Variants in TESC observed in about 807,000 individuals in gnomAD.
The protein encoded by TESC is tescalcin.
A neutral mutation model predicts 31.0 loss-of-function variants in TESC; 19 were observed. The observed-to-expected ratio is 0.61, with a 90% CI of 0.43 to 0.90. The LOEUF (loss-of-function observed/expected upper bound fraction) is 0.90. TESC is among the 40% of genes least tolerant of loss of function. The probability of loss-of-function intolerance (pLI) is 0.00; values close to 1 mark genes in which losing one functional copy is unlikely to be tolerated. For missense variants in TESC, 248 were observed against 303.8 expected (o/e 0.82, Z 1.36); for synonymous variants, 109 against 114.8 (o/e 0.95, Z 0.32).
intron 2 of TESC, among the ~76,000 whole-genome samples, chr12:117,073,420 G>A (rs934915843): frequency 6.6e-6 from 1 of 152,100 alleles, no homozygotes; most frequent in Admixed American, 6.6e-5. Flanking sequence ...GTCGGCCTTG[G>A]ATGCAATCAA....
intron 2 of TESC, among the ~76,000 whole-genome samples, chr12:117,062,347 G>A (rs991763915): frequency 6.6e-6 from 1 of 151,926 alleles, no homozygotes; most frequent in Admixed American, 6.6e-5. Context: ...TCAGCCACCC[G>A]AGTAGCTGGG....
intron 2 of TESC, among the ~76,000 whole-genome samples, chr12:117,065,236 G>A (rs1245807108): frequency 6.6e-5 from 10 of 152,332 alleles, no homozygotes; most frequent in Admixed American, 4.6e-4. Context: ...AACCAGGGAG[G>A]AGGCTGTTGG....
intron 4 of TESC, chr12:117,048,576 T>G: frequency 2.5e-6 from 1 of 402,156 alleles, no homozygotes; most frequent in South Asian, 1.8e-5. Flanking sequence ...GCACAGCCCA[T>G]GGAGGAGGGA....
chr12:117,061,297 T>C (rs1419289544), intron 2 of TESC, among the ~76,000 whole-genome samples: 2 of 152,070 alleles, frequency 1.3e-5, no homozygotes, highest in East Asian at 3.9e-4. Flanking sequence ...GAGCGAATAA[T>C]GAAGCGAATA....
intron 6 of TESC, 131 bp from the exon 7 acceptor site, chr12:117,042,125 T>G (rs1268192259): frequency 1.2e-5 from 11 of 908,102 alleles, no homozygotes; most frequent in Non-Finnish European, 1.8e-5. Context: ...TTGGGAGGAA[T>G]CACAAGAAGA....
chr12:117,039,013 G>C lies in TESC; in HGVS notation c.*120C>G, dbSNP rs980776817. 6.6e-6 allele frequency: 7 copies of C among 1,065,338 alleles called. No individual in the cohort carries two copies. Among genetic ancestry groups the C allele is most frequent in the African/African-American group, 3.1e-5 (2 of 63,536 alleles). The allele number at this position is 1,065,338 out of a possible 1,614,324, so 66.0% of individuals were successfully genotyped here. On this transcript the variant is annotated 3_prime_UTR_variant, in exon 8 of 8. Coordinates refer to ENST00000335209, the MANE Select transcript of TESC (RefSeq NM_017899.4). ...CCTACAAGACACAAGGTGCGCAGACGAGCCTTGGCTATGTACCGGCGCTGC... is the reference window on the plus strand; with the variant it reads ...CCTACAAGACACAAGGTGCGCAGACCAGCCTTGGCTATGTACCGGCGCTGC...
intron 2 of TESC, among the ~76,000 whole-genome samples, chr12:117,063,700 C>T (rs1954830346): frequency 6.6e-6 from 1 of 152,180 alleles, no homozygotes; most frequent in Non-Finnish European, 1.5e-5. Flanking sequence ...GCCCAATGTC[C>T]CTCTGAGTTC....
At chr12:117,068,154 A>G (rs1954913232) in intron 2 of TESC, among the ~76,000 whole-genome samples, 2 of 151,524 alleles carry the variant, frequency 1.3e-5, no homozygotes, top group South Asian at 2.1e-4. Flanking sequence ...TCGGCCTCCC[A>G]AAGTGCTCAG....
At chr12:117,091,879 T>C (rs1269164803) in intron 1 of TESC, among the ~76,000 whole-genome samples, 2 of 152,054 alleles carry the variant, frequency 1.3e-5, no homozygotes, top group African/African-American at 2.4e-5. Context: ...CAGCATGGCC[T>C]CCCCCAGATC....
intron 1 of TESC, among the ~76,000 whole-genome samples, chr12:117,088,179 T>A (rs1016719092): frequency 6.6e-6 from 1 of 152,160 alleles, no homozygotes; most frequent in African/African-American, 2.4e-5. Context: ...ATATCATTTA[T>A]GTAATTAGAG....
At chr12:117,068,436 G>A (rs1052293466) in intron 2 of TESC, among the ~76,000 whole-genome samples, 8 of 152,198 alleles carry the variant, frequency 5.3e-5, no homozygotes, top group Admixed American at 5.2e-4. Flanking sequence ...GGCTGAGGAA[G>A]GACAATTGCT....
At chr12:117,077,676 A>G (rs1320004405) in intron 1 of TESC, among the ~76,000 whole-genome samples, 2 of 152,252 alleles carry the variant, frequency 1.3e-5, no homozygotes, top group Non-Finnish European at 2.9e-5. Context: ...CATAAAGTTC[A>G]AAAACAGGCA....
intron 2 of TESC, among the ~76,000 whole-genome samples, chr12:117,064,777 C>T (rs1261970364): frequency 6.6e-6 from 1 of 152,076 alleles, no homozygotes; most frequent in Non-Finnish European, 1.5e-5. Flanking sequence ...TGAGCAGAGA[C>T]CTGAAGGAGG....
chr12:117,055,687 A>G (rs1954712811), intron 3 of TESC, among the ~76,000 whole-genome samples: 1 of 152,212 alleles, frequency 6.6e-6, no homozygotes, highest in Admixed American at 6.5e-5. Context: ...GCAAGCCGCC[A>G]TGCTGTGGGC....
intron 1 of TESC, among the ~76,000 whole-genome samples, chr12:117,098,998 G>A (rs1030758559): frequency 3.4e-4 from 52 of 152,274 alleles, no homozygotes; most frequent in African/African-American, 1.2e-3. Context: ...GAGTTCCCGG[G>A]CCAGTCCGAA....
intron 2 of TESC, among the ~76,000 whole-genome samples, chr12:117,065,761 T>C (rs1954869938): frequency 6.6e-6 from 1 of 152,062 alleles, no homozygotes; most frequent in Non-Finnish European, 1.5e-5. Flanking sequence ...TGGTGGTACA[T>C]GCCTGTAAGT....
chr12:117,057,016 A>G (rs1340074409), intron 2 of TESC, 130 bp from the exon 3 acceptor site: 15 of 840,556 alleles, frequency 1.8e-5, no homozygotes, highest in Non-Finnish European at 3.0e-5. Flanking sequence ...GTTCAGAGTT[A>G]GGAGACAGAA....
At chr12:117,056,035 C>T (rs1954718553) in intron 3 of TESC, among the ~76,000 whole-genome samples, 1 of 151,866 alleles carries the variant, frequency 6.6e-6, no homozygotes, top group African/African-American at 2.4e-5. Flanking sequence ...ATTCTCCTGC[C>T]TCAGCCTTCT....
intron 7 of TESC, among the ~76,000 whole-genome samples, chr12:117,040,947 CCT>C (rs1426342014): frequency 7.3e-6 from 1 of 136,934 alleles, no homozygotes; most frequent in Non-Finnish European, 1.6e-5. Context: ...CTCTTGCTCC[CCT>C]GACTTCCTTG....
Sources: gnomAD v4.1 joint callset for allele counts (sites outside exome capture counted in the v4.1 genomes callset) on GRCh38, gnomAD v4.1.1 for gene constraint, MANE v1.5 for transcripts, NCBI Gene and HGNC (gene_info 2026-07-23, HGNC 2026-07-21) for gene names.